TENM4: variants seen among roughly 807,000 people sequenced by gnomAD.
The protein encoded by TENM4 is teneurin transmembrane protein 4.
TENM4 carries 82 observed loss-of-function variants against 243.3 expected under a neutral mutation model. The observed-to-expected ratio is 0.34, with a 90% CI of 0.28 to 0.40. The LOEUF is 0.40. Ranked by LOEUF, TENM4 falls within the 10% of genes least tolerant of loss-of-function variation. The pLI, the probability that TENM4 is intolerant of heterozygous loss-of-function variation, is 1.00. For missense variants in TENM4, 3,138 were observed against 3,673.3 expected (o/e 0.85, Z 3.77); for synonymous variants, 1,412 against 1,456.3 (o/e 0.97, Z 0.69).
chr11:78,964,926 A>G (rs1319172859), intron 6 of TENM4, among the ~76,000 whole-genome samples: 2 of 151,962 alleles, frequency 1.3e-5, no homozygotes, highest in Non-Finnish European at 2.9e-5. Flanking sequence ...GGAGTGCAGT[A>G]GTGTGATCTT....
At chr11:78,864,616 A>C (rs1858917480) in intron 9 of TENM4, among the ~76,000 whole-genome samples, 6 of 152,184 alleles carry the variant, frequency 3.9e-5, no homozygotes, top group Admixed American at 3.9e-4. Context: ...GATCTAGCAC[A>C]AAATATCTGC....
chr11:79,358,629 G>T (rs542090852), intron 1 of TENM4, among the ~76,000 whole-genome samples: 2 of 151,018 alleles, frequency 1.3e-5, no homozygotes, highest in Non-Finnish European at 3.0e-5. Context: ...CTGCCTGCCT[G>T]CCTTCCTTCC....
At chr11:79,179,401 GT>G (rs998678972) in intron 3 of TENM4, among the ~76,000 whole-genome samples, 2 of 152,214 alleles carry the variant, frequency 1.3e-5, no homozygotes, top group African/African-American at 2.4e-5. Context: ...GCAGAGTTGA[GT>G]AGTTGTGACA....
In TENM4 at chr11:79,040,722, T is replaced by A. The variant is rs537598592; in HGVS notation, c.493+24016A>T. Among the ~76,000 whole-genome samples the A allele has an allele frequency of 3.3e-5, 5 of 152,222 alleles. No homozygotes were observed. The South Asian group carries it at 1.0e-3, about 32-fold the overall frequency. ...GCCAAGCTCAAGGCAAGTCACATGG[T>A]GTTCAGGCCTCTTTACTCCCCCTTT... On this transcript the variant is annotated intron_variant, in intron 6 of 33. Coordinates refer to ENST00000278550, the MANE Select transcript of TENM4 (RefSeq NM_001098816.3).
chr11:79,359,251 C>T (rs1161229006), intron 1 of TENM4, among the ~76,000 whole-genome samples: 7 of 152,166 alleles, frequency 4.6e-5, no homozygotes, highest in South Asian at 2.1e-4. Context: ...GGGTGATAGA[C>T]TAAGGCACTA....
At chr11:79,368,096 G>A (rs565984243) in intron 1 of TENM4, among the ~76,000 whole-genome samples, 21 of 152,192 alleles carry the variant, frequency 1.4e-4, no homozygotes, top group African/African-American at 2.9e-4. Context: ...AGGCACCAAC[G>A]CCAGAGTCCC....
At chr11:79,424,941 CA>C (rs1859017340) in intron 1 of TENM4, among the ~76,000 whole-genome samples, 2 of 151,888 alleles carry the variant, frequency 1.3e-5, no homozygotes, top group Middle Eastern at 3.4e-3. Context: ...TTCACACACA[CA>C]AAAAAAAGTC....
chr11:78,959,960 T>C (rs1349004919), intron 6 of TENM4, among the ~76,000 whole-genome samples: 1 of 151,870 alleles, frequency 6.6e-6, no homozygotes, highest in African/African-American at 2.4e-5. Flanking sequence ...TATATATATT[T>C]CCCCCCTACC....
At chr11:78,934,013 A>T (rs1432371547) in intron 6 of TENM4, among the ~76,000 whole-genome samples, 1 of 152,164 alleles carries the variant, frequency 6.6e-6, no homozygotes, top group African/African-American at 2.4e-5. Flanking sequence ...TGGGAATTAG[A>T]GATACTGTTA....
chr11:79,312,957 A>G (rs1856746229), intron 1 of TENM4, among the ~76,000 whole-genome samples: 1 of 152,188 alleles, frequency 6.6e-6, no homozygotes, highest in African/African-American at 2.4e-5. Context: ...CTTTGTTTCC[A>G]TCAGGATTCG....
chr11:79,252,709 A>G (rs1284699951), intron 2 of TENM4, among the ~76,000 whole-genome samples: 2 of 151,960 alleles, frequency 1.3e-5, no homozygotes, highest in Non-Finnish European at 2.9e-5. Flanking sequence ...GCATTTCCCT[A>G]CCCACTAGGG....
chr11:79,318,428 A>G lies in TENM4; in HGVS notation c.-320-20885T>C, dbSNP rs138708806. ...AACCTTATTAATGAATTTTACCCAC[A>G]GATATGCTGGTAAATATTTGACAAC... On this transcript the variant is annotated intron_variant, in intron 1 of 33. Transcript: ENST00000278550. 1.6e-4 allele frequency among the ~76,000 whole-genome samples: 25 copies of G among 152,340 alleles called. 1 individual carries two copies. In the East Asian group the frequency reaches 4.6e-3, roughly 28 times the overall value.
chr11:78,813,708 G>A (rs1296896599), intron 13 of TENM4, among the ~76,000 whole-genome samples: 1 of 152,164 alleles, frequency 6.6e-6, no homozygotes, highest in African/African-American at 2.4e-5. Context: ...ATAGATCGTG[G>A]GCAGGCTTTT....
At chr11:78,766,279 G>A (rs1014470602) in intron 18 of TENM4, among the ~76,000 whole-genome samples, 4 of 152,188 alleles carry the variant, frequency 2.6e-5, no homozygotes, top group Admixed American at 6.5e-5. Flanking sequence ...CCTTATAGCA[G>A]CCCTGCAAGG....
chr11:79,165,612 T>C (rs1467955091), intron 3 of TENM4, among the ~76,000 whole-genome samples: 1 of 152,188 alleles, frequency 6.6e-6, no homozygotes, highest in African/African-American at 2.4e-5. Flanking sequence ...TTCTGTTATT[T>C]CTTTTGCTGT....
chr11:79,054,032 T>C (rs1038980609), intron 6 of TENM4, among the ~76,000 whole-genome samples: 1 of 152,216 alleles, frequency 6.6e-6, no homozygotes, highest in African/African-American at 2.4e-5. Context: ...GTTGCCTTTG[T>C]GCTCAGTGGA....
intron 4 of TENM4, among the ~76,000 whole-genome samples, chr11:79,073,339 T>G (rs150346845): frequency 1.4e-3 from 217 of 152,328 alleles, no homozygotes; most frequent in African/African-American, 5.0e-3. Flanking sequence ...CCTCTCTGAC[T>G]TTGTGCATGA....
At chr11:79,088,702 G>A (rs1240975854) in intron 4 of TENM4, among the ~76,000 whole-genome samples, 3 of 152,140 alleles carry the variant, frequency 2.0e-5, no homozygotes, top group African/African-American at 7.2e-5. Context: ...ATGCAGTTCT[G>A]GATTTCTCCG....
intron 9 of TENM4, among the ~76,000 whole-genome samples, chr11:78,886,516 G>A (rs1591100668): frequency 6.6e-6 from 1 of 152,312 alleles, no homozygotes; most frequent in Admixed American, 6.5e-5. Context: ...GTTCACCTGC[G>A]TTGGCTTATA....
Sources: allele counts gnomAD v4.1 joint callset (sites outside exome capture counted in the v4.1 genomes callset), GRCh38; gene constraint gnomAD v4.1.1; transcripts MANE v1.5; gene names NCBI Gene and HGNC (gene_info 2026-07-23, HGNC 2026-07-21).